C8orf34: variants seen among roughly 807,000 people sequenced by gnomAD.
The protein encoded by C8orf34 is uncharacterized protein C8orf34.
A neutral mutation model predicts 68.3 loss-of-function variants in C8orf34; 65 were observed. That is an observed-to-expected ratio of 0.95 (90% confidence interval 0.78 to 1.17). The LOEUF (loss-of-function observed/expected upper bound fraction) is 1.17. C8orf34 is among the 50% of genes most tolerant of loss of function. The pLI is 0.00. For synonymous variants in C8orf34, 244 were observed against 241.2 expected (o/e 1.01, Z -0.11); for missense variants, 664 against 655.4 (o/e 1.01, Z -0.14).
chr8:68,525,956 CTTTTTTTTT>C (rs10692707), intron 6 of C8orf34: 2 of 178,754 alleles, frequency 1.1e-5, no homozygotes, highest in Non-Finnish European at 2.0e-5. Flanking sequence ...TTCTTTCTTT[CTTTTTTTTT>C]TTTTTTTTTT....
At chr8:68,511,533 A>G (rs1814275954) in intron 5 of C8orf34, among the ~76,000 whole-genome samples, 1 of 151,866 alleles carries the variant, frequency 6.6e-6, no homozygotes, top group African/African-American at 2.4e-5. Context: ...TGACCAGGGG[A>G]ACATATGTGA....
intron 10 of C8orf34, among the ~76,000 whole-genome samples, chr8:68,738,105 G>A (rs1162291982): frequency 4.6e-5 from 7 of 151,958 alleles, no homozygotes; most frequent in African/African-American, 9.6e-5. Context: ...CCAGTTTCTC[G>A]GACCATAGCA....
intron 8 of C8orf34, among the ~76,000 whole-genome samples, chr8:68,671,836 C>A (rs1046539255): frequency 6.6e-6 from 1 of 151,952 alleles, no homozygotes; most frequent in Non-Finnish European, 1.5e-5. Context: ...TTTCCTTTAA[C>A]GAAAAGGGTT....
chr8:68,539,368 G>T (rs1459775185), intron 7 of C8orf34, among the ~76,000 whole-genome samples: 1 of 152,090 alleles, frequency 6.6e-6, no homozygotes, highest in Non-Finnish European at 1.5e-5. Flanking sequence ...TTGAAAATGT[G>T]CAAAGAAGTG....
rs552564162 is a variant in C8orf34, at chr8:68,331,783, CTTTTTTTTTTTTTTT to C, written c.327+459_327+473del. 2.0e-4 allele frequency among the ~76,000 whole-genome samples: 6 copies of C among 29,512 alleles called. 2 individuals carry two copies. In the Middle Eastern group the frequency reaches 0.079, roughly 388 times the overall value. The allele number at this position is 29,512 out of a possible 152,430, so 19.4% of individuals were successfully genotyped here. A position where few individuals can be genotyped will look rare whatever the true frequency, so the allele number is the denominator to read the frequency against. On this transcript the variant is annotated intron_variant, in intron 1 of 13. Coordinates refer to ENST00000518698, the MANE Select transcript of C8orf34 (RefSeq NM_052958.4). Reference sequence around the variant, plus strand: ...CTTTTTTCTTTTCTTTTCTTTCCTTCTTTTTTTTTTTTTTTTTTTTTTTTTTTTTAATGAGGGCGG... The same window carrying C: ...CTTTTTTCTTTTCTTTTCTTTCCTTCTTTTTTTTTTTTTTAATGAGGGCGG...
chr8:68,533,445 C>T, intron 7 of C8orf34: 1 of 1,060,114 alleles, frequency 9.4e-7, no homozygotes, highest in Non-Finnish European at 1.1e-6. Context: ...AAATTCAAGT[C>T]TGTCTGCTTT....
intron 7 of C8orf34, among the ~76,000 whole-genome samples, chr8:68,600,415 C>T (rs1319003961): frequency 2.0e-5 from 3 of 151,988 alleles, no homozygotes; most frequent in African/African-American, 7.2e-5. Context: ...CCATTTTTAC[C>T]TATTCCAGAG....
intron 1 of C8orf34, among the ~76,000 whole-genome samples, chr8:68,360,783 C>T (rs1318608996): frequency 2.8e-5 from 4 of 141,824 alleles, no homozygotes; most frequent in Non-Finnish European, 6.0e-5. Context: ...TCTTGAGCCT[C>T]GCTCTGTCAC....
At chr8:68,395,696 C>T (rs1035479219) in intron 1 of C8orf34, among the ~76,000 whole-genome samples, 2 of 151,998 alleles carry the variant, frequency 1.3e-5, no homozygotes, top group Non-Finnish European at 2.9e-5. Context: ...GAAAGTGGCA[C>T]GTAGACAACT....
chr8:68,712,928 A>G (rs1821365869), intron 9 of C8orf34, among the ~76,000 whole-genome samples: 1 of 152,182 alleles, frequency 6.6e-6, no homozygotes, highest in Non-Finnish European at 1.5e-5. Flanking sequence ...AGGCCACACA[A>G]CAAGTATCAG....
intron 4 of C8orf34, among the ~76,000 whole-genome samples, chr8:68,475,652 A>C (rs2129630455): frequency 6.6e-6 from 1 of 152,326 alleles, no homozygotes; most frequent in East Asian, 1.9e-4. Context: ...ATAGATAGCT[A>C]AGTAAGCACG....
chr8:68,555,339 C>G (rs1204002500), intron 7 of C8orf34, among the ~76,000 whole-genome samples: 1 of 152,074 alleles, frequency 6.6e-6, no homozygotes, highest in Non-Finnish European at 1.5e-5. Flanking sequence ...TAGAATAGTG[C>G]TTGATGCATA....
chr8:68,340,124 A>T (rs929464464), intron 1 of C8orf34, among the ~76,000 whole-genome samples: 2 of 152,120 alleles, frequency 1.3e-5, no homozygotes, highest in Non-Finnish European at 2.9e-5. Flanking sequence ...ATTGGTGAAG[A>T]TTTGAAGCAA....
chr8:68,414,603 AAGACATGCTT>A (rs6150639), intron 1 of C8orf34, among the ~76,000 whole-genome samples: 60,740 of 151,728 alleles, frequency 0.4, 12,265 homozygotes, highest in Non-Finnish European at 0.45. Context: ...AGAGATGTCT[AAGACATGCTT>A]CCTGACCTCA....
chr8:68,684,714 C>A (rs917594964), intron 8 of C8orf34, among the ~76,000 whole-genome samples: 3 of 151,742 alleles, frequency 2.0e-5, no homozygotes, highest in African/African-American at 4.8e-5. Flanking sequence ...GAGCTCATTT[C>A]TTTAAGACAC....
chr8:68,596,620 G>C (rs1817553874), intron 7 of C8orf34, among the ~76,000 whole-genome samples: 1 of 152,066 alleles, frequency 6.6e-6, no homozygotes, highest in African/African-American at 2.4e-5. Context: ...CATTCCAATG[G>C]GTACACGATG....
intron 1 of C8orf34, among the ~76,000 whole-genome samples, chr8:68,435,714 G>A (rs560204136): frequency 2.0e-5 from 3 of 152,270 alleles, no homozygotes; most frequent in African/African-American, 7.2e-5. Flanking sequence ...AGATCATATG[G>A]AGATTCTGAG....
intron 1 of C8orf34, among the ~76,000 whole-genome samples, chr8:68,343,282 G>A (rs540434550): frequency 2.0e-5 from 3 of 152,258 alleles, no homozygotes; most frequent in Admixed American, 6.5e-5. Flanking sequence ...ACACCTATCC[G>A]AATGGCTAAA....
chr8:68,481,620 C>G (rs561435245), intron 4 of C8orf34, among the ~76,000 whole-genome samples: 86 of 152,320 alleles, frequency 5.6e-4, no homozygotes, highest in African/African-American at 2.0e-3. Flanking sequence ...CTTACATCAG[C>G]GTGAACTGGA....
Sources: allele counts gnomAD v4.1 joint callset (sites outside exome capture counted in the v4.1 genomes callset), GRCh38; gene constraint gnomAD v4.1.1; transcripts MANE v1.5; gene names NCBI Gene and HGNC (gene_info 2026-07-23, HGNC 2026-07-21).